The following CCDC192 variants were observed in gnomAD, a reference collection of about 807,000 sequenced individuals.
CCDC192 encodes coiled-coil domain-containing protein 192.
intron 1 of CCDC192, among the ~76,000 whole-genome samples, chr5:127,705,319 T>G (rs1750903055): frequency 6.6e-6 from 1 of 152,194 alleles, no homozygotes; most frequent in South Asian, 2.1e-4. Context: ...ATCACCAGTT[T>G]TGTTTCAGGC....
At chr5:127,754,145 T>C (rs1373732392) in intron 2 of CCDC192, 123 bp from the exon 3 acceptor site, 1 of 391,598 alleles carries the variant, frequency 2.6e-6, no homozygotes, top group African/African-American at 2.1e-5. Flanking sequence ...GGAGGATTTG[T>C]GTGAGTTTAT....
chr5:127,862,741 G>A (rs982761487), intron 5 of CCDC192, among the ~76,000 whole-genome samples: 13 of 152,256 alleles, frequency 8.5e-5, no homozygotes, highest in African/African-American at 3.1e-4. Context: ...AACAGCCCCT[G>A]AATATTTATC....
chr5:127,750,051 T>G (rs909458699), intron 2 of CCDC192, among the ~76,000 whole-genome samples: 21 of 152,110 alleles, frequency 1.4e-4, no homozygotes, highest in Non-Finnish European at 2.2e-4. Context: ...TTGTTGATCC[T>G]TTCAAAAAAC....
At chr5:127,729,361 A>G (rs1012139249) in intron 2 of CCDC192, among the ~76,000 whole-genome samples, 1 of 152,244 alleles carries the variant, frequency 6.6e-6, no homozygotes, top group Non-Finnish European at 1.5e-5. Context: ...AGATTCATAA[A>G]GCAAGTTCAT....
Position 127,843,393 on chromosome 5 carries a change from C to T in CCDC192, c.412-32145C>T, listed in dbSNP as rs17164614. On this transcript the variant is annotated intron_variant, in intron 5 of 6. Coordinates refer to ENST00000514853, the MANE Select transcript of CCDC192 (RefSeq NM_001317938.2). ...TCAATTTTTTGCCAGGGATTTAAGC[C>T]GTTGTTGATTTTATTATCATTTACA... 9.9e-3 allele frequency among the ~76,000 whole-genome samples: 1,499 copies of T among 151,126 alleles called. 13 individuals are homozygous for T. Among genetic ancestry groups the T allele is most frequent in the African/African-American group, 0.035 (1,432 of 41,132 alleles).
intron 3 of CCDC192, among the ~76,000 whole-genome samples, chr5:127,793,480 C>G (rs1045906951): frequency 6.6e-6 from 1 of 152,112 alleles, no homozygotes; most frequent in Non-Finnish European, 1.5e-5. Context: ...ACGTCACAGG[C>G]CTCATTGTGA....
At chr5:127,808,211 T>A (rs1368625681) in intron 5 of CCDC192, among the ~76,000 whole-genome samples, 1 of 152,212 alleles carries the variant, frequency 6.6e-6, no homozygotes, top group Non-Finnish European at 1.5e-5. Context: ...GTATTTTATG[T>A]TAGGGCATGA....
chr5:127,788,224 T>G (rs1424815529), intron 3 of CCDC192, among the ~76,000 whole-genome samples: 2 of 152,174 alleles, frequency 1.3e-5, no homozygotes, highest in African/African-American at 4.8e-5. Flanking sequence ...ATGCGTATAG[T>G]TTTATATCTC....
At chr5:127,787,210 C>T (rs193101547) in intron 3 of CCDC192, among the ~76,000 whole-genome samples, 87 of 152,326 alleles carry the variant, frequency 5.7e-4, no homozygotes, top group African/African-American at 2.0e-3. Flanking sequence ...ACTCACATCT[C>T]CATGGTACCC....
At chr5:127,896,252 A>C (rs1752880243) in intron 6 of CCDC192, among the ~76,000 whole-genome samples, 1 of 152,164 alleles carries the variant, frequency 6.6e-6, no homozygotes, top group South Asian at 2.1e-4. Flanking sequence ...CAGCCTGGGC[A>C]ACATAGTGAG....
intron 2 of CCDC192, among the ~76,000 whole-genome samples, chr5:127,718,065 A>G (rs1751743488): frequency 6.6e-6 from 1 of 152,162 alleles, no homozygotes. Flanking sequence ...GAGGCCATAA[A>G]AAAGATCTTA....
At chr5:127,756,977 C>T (rs756442525) in intron 3 of CCDC192, among the ~76,000 whole-genome samples, 1 of 152,186 alleles carries the variant, frequency 6.6e-6, no homozygotes, top group Non-Finnish European at 1.5e-5. Context: ...CTTTATATAA[C>T]ACCAAACAAT....
At chr5:127,907,326 T>C in intron 6 of CCDC192, among the ~76,000 whole-genome samples, 1 of 152,160 alleles carries the variant, frequency 6.6e-6, no homozygotes, top group East Asian at 1.9e-4. Flanking sequence ...TAAAACAAAC[T>C]GAAATGTTTT....
At chr5:127,904,158 A>G (rs921194572) in intron 6 of CCDC192, among the ~76,000 whole-genome samples, 1 of 152,232 alleles carries the variant, frequency 6.6e-6, no homozygotes, top group Non-Finnish European at 1.5e-5. Flanking sequence ...GGATAGAGAA[A>G]GGGAGCCACG....
At chr5:127,769,005 C>T (rs1363285016) in intron 3 of CCDC192, among the ~76,000 whole-genome samples, 1 of 152,212 alleles carries the variant, frequency 6.6e-6, no homozygotes, top group Non-Finnish European at 1.5e-5. Flanking sequence ...CCTCCTTTCT[C>T]TGTAGCATGA....
chr5:127,845,588 T>G (rs1180689742), intron 5 of CCDC192, among the ~76,000 whole-genome samples: 1 of 152,208 alleles, frequency 6.6e-6, no homozygotes, highest in African/African-American at 2.4e-5. Context: ...GTTTACTGAT[T>G]TATCTGAAAA....
At chr5:127,921,082 GGAAAA>G (rs1398354288) in intron 6 of CCDC192, among the ~76,000 whole-genome samples, 1 of 127,686 alleles carries the variant, frequency 7.8e-6, no homozygotes, top group Non-Finnish European at 1.5e-5. Context: ...AAGGAGGAAA[GGAAAA>G]GAAAGGAAAG....
rs1285268438 is a variant in CCDC192, at chr5:127,846,829, A to C, written c.412-28709A>C. Reference sequence around the variant, plus strand: ...ACCTAGTCAATAAAGCAAAAAAAAAAAAAAAAAAAAAAAAAACAGGGAAAC... The same window carrying C: ...ACCTAGTCAATAAAGCAAAAAAAAACAAAAAAAAAAAAAAAACAGGGAAAC... On this transcript the variant is annotated intron_variant, in intron 5 of 6. Coordinates refer to ENST00000514853, the MANE Select transcript of CCDC192 (RefSeq NM_001317938.2). 9.0e-4 allele frequency among the ~76,000 whole-genome samples: 134 copies of C among 148,940 alleles called. 2 individuals are homozygous for C. Among genetic ancestry groups the C allele is most frequent in the Non-Finnish European group, 3.2e-4 (21 of 66,408 alleles).
At chr5:127,732,057 C>T (rs1554069474) in intron 2 of CCDC192, among the ~76,000 whole-genome samples, 1 of 151,982 alleles carries the variant, frequency 6.6e-6, no homozygotes, top group Non-Finnish European at 1.5e-5. Flanking sequence ...TTAGAGTGAA[C>T]AGACAACCTA....
Sources: allele counts gnomAD v4.1 joint callset (sites outside exome capture counted in the v4.1 genomes callset), GRCh38; gene constraint gnomAD v4.1.1; transcripts MANE v1.5; gene names NCBI Gene and HGNC (gene_info 2026-07-23, HGNC 2026-07-21).